Variants in SORCS3 observed in about 807,000 individuals in gnomAD.
SORCS3 encodes sortilin related VPS10 domain containing receptor 3.
Under a neutral mutation model 146.3 loss-of-function variants are expected in SORCS3, and 57 were observed. That is an observed-to-expected ratio of 0.39 (90% CI 0.31 to 0.49). The LOEUF is 0.49. Among genes scored for constraint, SORCS3 ranks in the 20% least tolerant of loss-of-function variants. SORCS3 has a pLI of 0.92. For synonymous variants in SORCS3, 653 were observed against 618.5 expected, an observed-to-expected ratio of 1.06 and a Z score of -0.83; for missense variants, 1,341 against 1,575.5, an observed-to-expected ratio of 0.85 and a Z score of 2.52.
chr10:105,096,856 C>T (rs1273080009), intron 6 of SORCS3, among the ~76,000 whole-genome samples: 1 of 152,060 alleles, frequency 6.6e-6, no homozygotes, highest in Non-Finnish European at 1.5e-5. Flanking sequence ...ATTTATTATA[C>T]TATGAATGAA....
chr10:105,104,220 G>A (rs927779566), intron 6 of SORCS3, among the ~76,000 whole-genome samples: 1 of 152,188 alleles, frequency 6.6e-6, no homozygotes, highest in Non-Finnish European at 1.5e-5. Flanking sequence ...TGTGGTTTTA[G>A]ATAATAAGAT....
chr10:105,231,361 C>G (rs7924285), intron 20 of SORCS3, among the ~76,000 whole-genome samples: 2,034 of 152,174 alleles, frequency 0.013, 52 homozygotes, highest in South Asian at 0.048. Context: ...ATATATGAAC[C>G]TTGTATCCTG....
Position 104,964,962 on chromosome 10 carries a change from A to G in SORCS3, c.796-12373A>G, listed in dbSNP as rs116138402. ...AAGTACCCCATATAAGTGCAATCAT[A>G]TAGTATTTTTTTCTTTATGACTGGC... On this transcript the variant is annotated intron_variant, in intron 3 of 26. Coordinates refer to ENST00000369701, the MANE Select transcript of SORCS3 (RefSeq NM_014978.3). Among the ~76,000 whole-genome samples, 1,096 of 152,302 alleles carry G rather than the reference A, an allele frequency of 7.2e-3. 13 individuals are homozygous for G. Among genetic ancestry groups the G allele is most frequent in the African/African-American group, 0.025 (1,057 of 41,568 alleles).
intron 1 of SORCS3, among the ~76,000 whole-genome samples, chr10:104,761,324 C>A (rs1407546458): frequency 6.6e-6 from 1 of 152,120 alleles, no homozygotes; most frequent in Non-Finnish European, 1.5e-5. Context: ...GGGTATTTTT[C>A]TATTTTCTTG....
intron 3 of SORCS3, among the ~76,000 whole-genome samples, chr10:104,918,451 C>A (rs1301403147): frequency 2.0e-5 from 3 of 152,198 alleles, no homozygotes; most frequent in Non-Finnish European, 4.4e-5. Flanking sequence ...CGTAGGGGTT[C>A]AAAATTGCTT....
intron 19 of SORCS3, among the ~76,000 whole-genome samples, chr10:105,217,341 C>T (rs533743267): frequency 2.6e-5 from 4 of 152,268 alleles, no homozygotes; most frequent in African/African-American, 7.2e-5. Flanking sequence ...CCACCTGGGC[C>T]GTCCTTTTCA....
intron 1 of SORCS3, among the ~76,000 whole-genome samples, chr10:104,683,329 C>T (rs2016002484): frequency 6.6e-6 from 1 of 152,180 alleles, no homozygotes; most frequent in Non-Finnish European, 1.5e-5. Context: ...GGCTAAAGTG[C>T]CCAAGACTCC....
At chr10:104,775,376 C>G (rs1227526739) in intron 1 of SORCS3, among the ~76,000 whole-genome samples, 1 of 152,152 alleles carries the variant, frequency 6.6e-6, no homozygotes, top group East Asian at 1.9e-4. Context: ...CACTCCATGC[C>G]AAGTCTTTGT....
intron 4 of SORCS3, among the ~76,000 whole-genome samples, chr10:104,988,042 A>T (rs925211331): frequency 7.9e-5 from 12 of 152,154 alleles, no homozygotes; most frequent in African/African-American, 2.9e-4. Context: ...TCTCTCATAT[A>T]TGTGATTATG....
At chr10:105,261,400 G>A (rs1299870518) in intron 25 of SORCS3, among the ~76,000 whole-genome samples, 4 of 152,132 alleles carry the variant, frequency 2.6e-5, no homozygotes, top group Admixed American at 6.5e-5. Flanking sequence ...CAAAATTTGG[G>A]TCTCCAACTG....
At chr10:105,126,542 A>G (rs149233294) in intron 7 of SORCS3, among the ~76,000 whole-genome samples, 140 of 152,308 alleles carry the variant, frequency 9.2e-4, no homozygotes, top group African/African-American at 3.3e-3. Flanking sequence ...AGTCACACTT[A>G]TTTATAGATT....
chr10:104,751,074 G>C (rs201417290), intron 1 of SORCS3, among the ~76,000 whole-genome samples: 1 of 151,892 alleles, frequency 6.6e-6, no homozygotes, highest in African/African-American at 2.4e-5. Context: ...AGAAAGAGAG[G>C]GCAAAAAAGA....
At chr10:104,894,419 T>C (rs546977141) in intron 2 of SORCS3, among the ~76,000 whole-genome samples, 1 of 152,346 alleles carries the variant, frequency 6.6e-6, no homozygotes, top group Admixed American at 6.5e-5. Flanking sequence ...CAGCAAATAT[T>C]GAATCATGAA....
chr10:105,090,496 C>T (rs2055694360), intron 6 of SORCS3, among the ~76,000 whole-genome samples: 1 of 152,138 alleles, frequency 6.6e-6, no homozygotes, highest in South Asian at 2.1e-4. Flanking sequence ...GCATTTTATT[C>T]TTCTCAGAGT....
chr10:104,681,606 C>G (rs1182894738), intron 1 of SORCS3, among the ~76,000 whole-genome samples: 1 of 152,138 alleles, frequency 6.6e-6, no homozygotes, highest in Non-Finnish European at 1.5e-5. Flanking sequence ...AGCCTAGGTT[C>G]TTTCTCCATC....
chr10:104,738,424 G>A (rs190688430), intron 1 of SORCS3, among the ~76,000 whole-genome samples: 1 of 152,184 alleles, frequency 6.6e-6, no homozygotes, highest in Non-Finnish European at 1.5e-5. Context: ...TCTTGAAGGA[G>A]CAGTTTATGG....
At chr10:104,805,643 AC>A (rs1373062475) in intron 1 of SORCS3, among the ~76,000 whole-genome samples, 1 of 151,988 alleles carries the variant, frequency 6.6e-6, no homozygotes, top group African/African-American at 2.4e-5. Flanking sequence ...AGTTGTAACT[AC>A]TCTTCTTGAT....
chr10:104,828,392 G>A (rs1363336795), intron 1 of SORCS3, among the ~76,000 whole-genome samples: 2 of 152,108 alleles, frequency 1.3e-5, no homozygotes, highest in African/African-American at 2.4e-5. Context: ...GGGAACAGCC[G>A]ATCAGTGGAG....
At chr10:105,221,135 G>T (rs1000043412) in intron 19 of SORCS3, among the ~76,000 whole-genome samples, 5 of 152,096 alleles carry the variant, frequency 3.3e-5, no homozygotes, top group Non-Finnish European at 2.9e-5. Flanking sequence ...GGGTACATGA[G>T]ATGTTTTGAT....
Sources: allele counts gnomAD v4.1 joint callset (sites outside exome capture counted in the v4.1 genomes callset), GRCh38; gene constraint gnomAD v4.1.1; transcripts MANE v1.5; gene names NCBI Gene and HGNC (gene_info 2026-07-23, HGNC 2026-07-21).